ESRRG: variants seen among roughly 807,000 people sequenced by gnomAD.
ESRRG encodes the protein estrogen-related receptor gamma.
ESRRG carries 13 observed loss-of-function variants against 44.0 expected under a neutral mutation model. The observed-to-expected ratio is 0.30, with a 90% confidence interval of 0.19 to 0.47. The LOEUF is 0.47. Ranked by LOEUF, ESRRG falls within the 20% of genes least tolerant of loss-of-function variation. The pLI, the probability that ESRRG is intolerant of heterozygous loss-of-function variation, is 1.00. For synonymous variants in ESRRG, 215 were observed against 214.6 expected, an observed-to-expected ratio of 1.00 and a Z score of -0.02; for missense variants, 395 against 580.6, an observed-to-expected ratio of 0.68 and a Z score of 3.29.
At chr1:216,729,511 G>A (rs751898158) in intron 2 of ESRRG, among the ~76,000 whole-genome samples, 1 of 152,206 alleles carries the variant, frequency 6.6e-6, no homozygotes, top group Non-Finnish European at 1.5e-5. Flanking sequence ...TGAAGTGCAA[G>A]TATGTTACAT....
intron 1 of ESRRG, among the ~76,000 whole-genome samples, chr1:216,993,954 A>G (rs1197119772): frequency 1.3e-5 from 2 of 152,220 alleles, no homozygotes; most frequent in African/African-American, 4.8e-5. Context: ...TATTTCATGA[A>G]TATGATGGAT....
At chr1:216,665,055 G>T (rs117473100) in intron 2 of ESRRG, among the ~76,000 whole-genome samples, 1 of 152,120 alleles carries the variant, frequency 6.6e-6, no homozygotes, top group Admixed American at 6.6e-5. Flanking sequence ...TCTTATTTGC[G>T]ATTTCACTTT....
intron 2 of ESRRG, among the ~76,000 whole-genome samples, chr1:216,841,884 T>A (rs1216692010): frequency 1.3e-5 from 2 of 152,112 alleles, no homozygotes; most frequent in African/African-American, 4.8e-5. Context: ...GGGTTTAGAA[T>A]GGTACAGATG....
chr1:217,066,682 G>A (rs2089756431), intron 1 of ESRRG, among the ~76,000 whole-genome samples: 1 of 152,134 alleles, frequency 6.6e-6, no homozygotes, highest in African/African-American at 2.4e-5. Flanking sequence ...TGACATTTGG[G>A]GCTGGACAAT....
chr1:216,939,357 A>AAAAAAAC (rs1553720816), intron 2 of ESRRG, among the ~76,000 whole-genome samples: 3 of 134,742 alleles, frequency 2.2e-5, no homozygotes, highest in Non-Finnish European at 3.3e-5. Context: ...AAAAAAAAAA[A>AAAAAAAC]AAAAAAAAAA....
intron 2 of ESRRG, among the ~76,000 whole-genome samples, chr1:216,747,063 T>G (rs2091482096): frequency 6.6e-6 from 1 of 152,224 alleles, no homozygotes; most frequent in Non-Finnish European, 1.5e-5. Flanking sequence ...ACTTGTTTTA[T>G]TTTATTAATT....
intron 5 of ESRRG, among the ~76,000 whole-genome samples, chr1:216,556,028 C>T (rs2057473464): frequency 2.6e-5 from 4 of 152,076 alleles, no homozygotes; most frequent in Admixed American, 2.6e-4. Flanking sequence ...CACTCCTCCC[C>T]CAACTTTTCT....
intron 2 of ESRRG, among the ~76,000 whole-genome samples, chr1:216,660,492 C>A (rs2072013479): frequency 6.6e-6 from 1 of 152,204 alleles, no homozygotes; most frequent in South Asian, 2.1e-4. Flanking sequence ...TGAACCCAGG[C>A]AATCTGGATC....
intron 2 of ESRRG, among the ~76,000 whole-genome samples, chr1:216,923,507 A>G (rs904065376): frequency 9.2e-5 from 14 of 152,198 alleles, no homozygotes; most frequent in Admixed American, 9.2e-4. Flanking sequence ...AATGAGAACC[A>G]TGGTGCCTGT....
chr1:216,799,179 G>T (rs2094549969), intron 2 of ESRRG, among the ~76,000 whole-genome samples: 2 of 151,996 alleles, frequency 1.3e-5, no homozygotes, highest in African/African-American at 4.8e-5. Context: ...ATTCCTATCA[G>T]ACCCTTTCAA....
intron 3 of ESRRG, among the ~76,000 whole-genome samples, chr1:216,629,435 A>G (rs1274697708): frequency 6.6e-6 from 1 of 152,232 alleles, no homozygotes; most frequent in Non-Finnish European, 1.5e-5. Flanking sequence ...AATTTAAGAC[A>G]TAGTTAGCAA....
intron 2 of ESRRG, among the ~76,000 whole-genome samples, chr1:216,663,988 A>G (rs1264409104): frequency 3.3e-5 from 5 of 152,152 alleles, no homozygotes; most frequent in Non-Finnish European, 7.4e-5. Context: ...ATTTCTAAAA[A>G]TGAATTGCAA....
At chr1:217,030,832 T>C (rs1271972470) in intron 1 of ESRRG, among the ~76,000 whole-genome samples, 1 of 152,240 alleles carries the variant, frequency 6.6e-6, no homozygotes. Flanking sequence ...TTATTCATAA[T>C]TTTTGTATTA....
At chr1:216,566,693 G>A (rs759374121) in intron 4 of ESRRG, among the ~76,000 whole-genome samples, 2 of 152,150 alleles carry the variant, frequency 1.3e-5, no homozygotes, top group Non-Finnish European at 2.9e-5. Context: ...TTATCAGAGA[G>A]GTTTTTTATT....
chr1:216,839,922 G>A (rs1190344430), intron 2 of ESRRG, among the ~76,000 whole-genome samples: 2 of 152,216 alleles, frequency 1.3e-5, no homozygotes, highest in Admixed American at 6.5e-5. Flanking sequence ...ATAGAGCACA[G>A]GCAGAGAAGG....
chr1:216,962,210 G>A (rs2069235507), intron 1 of ESRRG, among the ~76,000 whole-genome samples: 1 of 152,188 alleles, frequency 6.6e-6, no homozygotes, highest in Non-Finnish European at 1.5e-5. Flanking sequence ...TCTGAGAGTA[G>A]CTCCCTTACT....
chr1:216,635,840 A>G (rs2065190639), intron 3 of ESRRG, among the ~76,000 whole-genome samples: 1 of 152,148 alleles, frequency 6.6e-6, no homozygotes, highest in Admixed American at 6.5e-5. Flanking sequence ...GCACTTGGTC[A>G]TTTTGGAGGG....
chr1:216,771,334 C>A lies in ESRRG; in HGVS notation c.-13-93843G>T, dbSNP rs372195149. On this transcript the variant is annotated intron_variant, in intron 2 of 7. Transcript: ENST00000359162. ...TGCTTATAACAGTATGTAAAAAATTCAATTGGAAAATTAAAATTAGGCACA... is the reference window on the plus strand; with the variant it reads ...TGCTTATAACAGTATGTAAAAAATTAAATTGGAAAATTAAAATTAGGCACA... Among the ~76,000 whole-genome samples, 35 of 152,156 alleles carry A rather than the reference C, an allele frequency of 2.3e-4. No homozygotes were observed. In the East Asian group the frequency reaches 5.0e-3, roughly 22 times the overall value.
intron 3 of ESRRG, among the ~76,000 whole-genome samples, chr1:216,595,076 T>A (rs929545546): frequency 1.1e-4 from 17 of 152,244 alleles, no homozygotes; most frequent in African/African-American, 4.1e-4. Flanking sequence ...GAGCAGGAAA[T>A]CTATCTCCCT....
Sources: gnomAD v4.1 joint callset for allele counts (sites outside exome capture counted in the v4.1 genomes callset) on GRCh38, gnomAD v4.1.1 for gene constraint, MANE v1.5 for transcripts, NCBI Gene and HGNC (gene_info 2026-07-23, HGNC 2026-07-21) for gene names.